The following NEK10 variants were observed in gnomAD, a reference collection of about 807,000 sequenced individuals.
NEK10 encodes the protein NIMA related kinase 10.
NEK10 carries 122 observed loss-of-function variants against 159.8 expected under a neutral mutation model. The observed-to-expected ratio is 0.76, with a 90% confidence interval of 0.66 to 0.89. The LOEUF is 0.89. Among genes scored for constraint, NEK10 ranks in the 40% least tolerant of loss-of-function variants. NEK10 has a pLI of 0.00. For missense variants in NEK10, 1,342 were observed against 1,323.1 expected (o/e 1.01, Z -0.22); for synonymous variants, 466 against 457.1 (o/e 1.02, Z -0.25).
Position 27,261,033 on chromosome 3 carries a change from T to G in NEK10, c.2015-4662A>C, listed in dbSNP as rs1412607988. ...TAGAGGTGTTTATAGTATTCTCTGA[T>G]GGTAGTTTGTATTTCTGTGGGATCG... is the stretch of plus-strand genomic sequence containing the variant. On this transcript the variant is annotated intron_variant, in intron 22 of 35. Transcript: ENST00000691995. Among the ~76,000 whole-genome samples, 4 of 152,300 alleles carry G rather than the reference T, an allele frequency of 2.6e-5. No individual in the cohort carries two copies. The East Asian group carries it at 7.7e-4, about 29-fold the overall frequency.
intron 33 of NEK10, 29 bp downstream of exon 33, chr3:27,119,731 G>A (rs1359218199): frequency 6.6e-7 from 1 of 1,514,600 alleles, no homozygotes. Flanking sequence ...CTTCATGAAA[G>A]CCAGGTTACC....
intron 23 of NEK10, among the ~76,000 whole-genome samples, chr3:27,254,845 C>T (rs1022724267): frequency 1.3e-5 from 2 of 151,730 alleles, no homozygotes; most frequent in Non-Finnish European, 2.9e-5. Context: ...GCCGTGTTTG[C>T]GCTAATACGG....
intron 32 of NEK10, among the ~76,000 whole-genome samples, chr3:27,123,136 C>A (rs1364630052): frequency 6.6e-6 from 1 of 152,140 alleles, no homozygotes; most frequent in Non-Finnish European, 1.5e-5. Flanking sequence ...ATGATCTGAG[C>A]AGGATGCAGA....
intron 29 of NEK10, among the ~76,000 whole-genome samples, chr3:27,165,136 T>C (rs2148829449): frequency 6.6e-6 from 1 of 152,282 alleles, no homozygotes; most frequent in South Asian, 2.1e-4. Context: ...TGCTAGACAC[T>C]GGAGATGGGA....
chr3:27,288,352 T>C (rs1380478313), intron 19 of NEK10, among the ~76,000 whole-genome samples: 1 of 152,226 alleles, frequency 6.6e-6, no homozygotes, highest in Non-Finnish European at 1.5e-5. Flanking sequence ...CTAGGCCTCA[T>C]CCTTGGTCTG....
chr3:27,327,107 C>T (rs970754761), intron 5 of NEK10, among the ~76,000 whole-genome samples: 1 of 152,074 alleles, frequency 6.6e-6, no homozygotes, highest in Non-Finnish European at 1.5e-5. Flanking sequence ...GTGTCTGGCC[C>T]ACAGCTACAC....
chr3:27,216,605 G>GA (rs1465077045), intron 23 of NEK10: 1 of 152,044 alleles, frequency 6.6e-6, no homozygotes, highest in Non-Finnish European at 1.5e-5. Flanking sequence ...CCACGATACT[G>GA]AAAAAACCAA....
intron 30 of NEK10, chr3:27,162,340 G>T: frequency 6.8e-7 from 1 of 1,468,714 alleles, no homozygotes. Flanking sequence ...AAACAAGGCA[G>T]AATTCTCCGC....
chr3:27,167,314 T>C (rs1436348531), intron 29 of NEK10, among the ~76,000 whole-genome samples: 1 of 152,190 alleles, frequency 6.6e-6, no homozygotes, highest in African/African-American at 2.4e-5. Flanking sequence ...TGTAGGTTGG[T>C]ACCTATGTGC....
At chr3:27,167,320 T>C (rs572631474) in intron 29 of NEK10, among the ~76,000 whole-genome samples, 7 of 152,328 alleles carry the variant, frequency 4.6e-5, no homozygotes, top group African/African-American at 1.4e-4. Flanking sequence ...TTGGTACCTA[T>C]GTGCAATACA....
At chr3:27,244,167 A>G (rs910756471) in intron 23 of NEK10, among the ~76,000 whole-genome samples, 3 of 152,214 alleles carry the variant, frequency 2.0e-5, no homozygotes, top group Admixed American at 2.0e-4. Flanking sequence ...CCTGCTTTTC[A>G]CCAAATACGC....
intron 22 of NEK10, among the ~76,000 whole-genome samples, chr3:27,262,217 G>C (rs1384221825): frequency 1.3e-5 from 2 of 152,160 alleles, no homozygotes; most frequent in Admixed American, 1.3e-4. Context: ...AGTCTGATGG[G>C]TTTCCCTTTG....
At chr3:27,364,145 T>C (rs1026722437) in intron 1 of NEK10, among the ~76,000 whole-genome samples, 2 of 151,810 alleles carry the variant, frequency 1.3e-5, no homozygotes, top group African/African-American at 4.8e-5. Flanking sequence ...GTAATAATAT[T>C]ACTTCATTTG....
intron 29 of NEK10, among the ~76,000 whole-genome samples, chr3:27,164,840 T>A (rs1946339205): frequency 6.6e-6 from 1 of 152,244 alleles, no homozygotes. Flanking sequence ...GAAAAGCTGA[T>A]AATCACTCAC....
chr3:27,256,960 G>A (rs1165538041), intron 22 of NEK10, among the ~76,000 whole-genome samples: 2 of 140,324 alleles, frequency 1.4e-5, no homozygotes, highest in East Asian at 4.2e-4. Flanking sequence ...CTGTCACCCA[G>A]GTTGGAGTGC....
intron 7 of NEK10, among the ~76,000 whole-genome samples, chr3:27,313,959 A>T (rs763810385): frequency 1.3e-5 from 2 of 152,024 alleles, no homozygotes; most frequent in Non-Finnish European, 2.9e-5. Flanking sequence ...TGATCCACCC[A>T]CCTCAGCTTC....
At chr3:27,240,808 C>T (rs958708154) in intron 23 of NEK10, among the ~76,000 whole-genome samples, 8 of 152,012 alleles carry the variant, frequency 5.3e-5, no homozygotes, top group Non-Finnish European at 1.0e-4. Flanking sequence ...TGCACCACCA[C>T]GCCTGGCTAA....
In NEK10 at chr3:27,111,276, C is replaced by T; in HGVS notation, c.3344G>A (p.Arg1115Lys). 6.2e-7 allele frequency: 1 copy of T among 1,609,226 alleles called. No individual in the cohort carries two copies. The highest frequency in any genetic ancestry group is 8.5e-7 in the Non-Finnish European group (1 of 1,177,544). ...TCCACTCAAAATGCAGCATTTTCAT[C>T]TTTTGGTTGGGTGATTCTTGGTCCC... ...PWGTKNHPTK[R>K] The change falls in exon 36 of 36, where the codon AGA (arginine) becomes AAA (lysine). Residue 1115 changes from arginine (R) to lysine (K), a missense_variant. Physicochemically the swap from Arg to Lys is conservative, Grantham distance 26. Transcript: ENST00000691995.
rs779158391 is a variant in NEK10, at chr3:27,304,899, C to T, written c.876G>A (p.Gly292=). The T allele has an allele frequency of 1.2e-6, 2 of 1,613,502 alleles. No individual in the cohort carries two copies. The highest frequency in any genetic ancestry group is 2.7e-5 in the African/African-American group (2 of 74,924). Residue 292 remains glycine (G), a synonymous_variant, in exon 12 of 36, where the codon GGG becomes GGA. Coordinates refer to ENST00000691995, the MANE Select transcript of NEK10 (RefSeq NM_001394966.1). ...GGAGCAGACTGAGGAGGACCGGTAT[C>T]CCCTCATAGAGCTTCACCTGCTCTT... The part of the protein sequence containing the change: ...QVKEQVKLYE[G]IPVLLSLLHS...
Sources: gnomAD v4.1 joint callset for allele counts (sites outside exome capture counted in the v4.1 genomes callset) on GRCh38, gnomAD v4.1.1 for gene constraint, MANE v1.5 for transcripts, NCBI Gene and HGNC (gene_info 2026-07-23, HGNC 2026-07-21) for gene names.